KCNQ5: variants seen among roughly 807,000 people sequenced by gnomAD.
The protein encoded by KCNQ5 is potassium voltage-gated channel subfamily KQT member 5.
In KCNQ5, 30 loss-of-function variants were observed where a neutral mutation model predicts 98.2. The ratio of observed to expected loss-of-function variants is 0.31; its 90% CI spans 0.23 to 0.41. The LOEUF (loss-of-function observed/expected upper bound fraction) is 0.41. KCNQ5 is among the 10% of genes least tolerant of loss of function. The probability of loss-of-function intolerance (pLI) is 1.00; values close to 1 mark genes in which losing one functional copy is unlikely to be tolerated. For missense variants in KCNQ5, 835 were observed against 1,182.5 expected, an observed-to-expected ratio of 0.71 and a Z score of 4.31; for synonymous variants, 458 against 449.4, an observed-to-expected ratio of 1.02 and a Z score of -0.24.
chr6:72,749,095 T>G (rs993613337), intron 1 of KCNQ5, among the ~76,000 whole-genome samples: 7 of 152,072 alleles, frequency 4.6e-5, no homozygotes, highest in Non-Finnish European at 1.0e-4. Flanking sequence ...ATATTTATTT[T>G]CTTCCTCCTC....
chr6:72,942,364 A>G (rs954334229), intron 1 of KCNQ5, among the ~76,000 whole-genome samples: 39 of 152,318 alleles, frequency 2.6e-4, no homozygotes, highest in African/African-American at 9.1e-4. Flanking sequence ...GCCCCCATAC[A>G]TACCAAACAT....
intron 1 of KCNQ5, among the ~76,000 whole-genome samples, chr6:72,690,715 G>GAA (rs775810471): frequency 1.5e-4 from 16 of 109,346 alleles, no homozygotes; most frequent in African/African-American, 4.1e-4. Context: ...CTGTTACCAA[G>GAA]AAAAAAAAAA....
chr6:73,121,878 A>G (rs1267865620), intron 8 of KCNQ5, among the ~76,000 whole-genome samples: 4 of 152,186 alleles, frequency 2.6e-5, no homozygotes, highest in Admixed American at 2.6e-4. Context: ...CCTAAGCTCT[A>G]ATGGGAAATG....
chr6:72,928,703 G>A (rs1419150758), intron 1 of KCNQ5, among the ~76,000 whole-genome samples: 1 of 152,016 alleles, frequency 6.6e-6, no homozygotes, highest in Non-Finnish European at 1.5e-5. Flanking sequence ...ATAGATATAG[G>A]TATGGAGTAG....
chr6:72,661,202 T>C (rs1215009804), intron 1 of KCNQ5, among the ~76,000 whole-genome samples: 7 of 152,018 alleles, frequency 4.6e-5, no homozygotes. Flanking sequence ...TTCTTAGAAA[T>C]GTAATATTCT....
rs553641328 is a variant in KCNQ5, at chr6:72,631,321, C to T, written c.398+8734C>T. On this transcript the variant is annotated intron_variant, in intron 1 of 13. Transcript: ENST00000370398. ...AAAATACAGACAGGAGTTATAATCA[C>T]GAGGAAGGCAAATAAAGATAAAGGG... Among the ~76,000 whole-genome samples the T allele has an allele frequency of 2.6e-4, 39 of 151,896 alleles. 1 individual carries two copies. The highest frequency in any genetic ancestry group is 4.4e-4 in the Non-Finnish European group (30 of 67,976).
At chr6:73,110,926 A>G (rs1562184991) in intron 6 of KCNQ5, among the ~76,000 whole-genome samples, 1 of 152,218 alleles carries the variant, frequency 6.6e-6, no homozygotes, top group African/African-American at 2.4e-5. Context: ...TCTACATTCC[A>G]TCACTGGATG....
chr6:73,040,980 C>A (rs1273743670), intron 2 of KCNQ5, among the ~76,000 whole-genome samples: 2 of 152,100 alleles, frequency 1.3e-5, no homozygotes, highest in African/African-American at 4.8e-5. Context: ...TACAATTAAG[C>A]TATTATAACA....
At chr6:72,659,778 A>G (rs1419052835) in intron 1 of KCNQ5, among the ~76,000 whole-genome samples, 1 of 152,236 alleles carries the variant, frequency 6.6e-6, no homozygotes, top group East Asian at 1.9e-4. Context: ...CGGATTGTCA[A>G]TATATAAATT....
chr6:72,631,841 A>G (rs941171693), intron 1 of KCNQ5, among the ~76,000 whole-genome samples: 1 of 152,238 alleles, frequency 6.6e-6, no homozygotes, highest in Non-Finnish European at 1.5e-5. Context: ...ATCACAAATA[A>G]TAGTCATTTT....
At chr6:72,701,885 G>A (rs759975100) in intron 1 of KCNQ5, among the ~76,000 whole-genome samples, 4 of 152,012 alleles carry the variant, frequency 2.6e-5, no homozygotes, top group Admixed American at 6.6e-5. Context: ...GTAGAGACAG[G>A]GTTTTGCCAT....
At chr6:72,799,893 T>A (rs1484396857) in intron 1 of KCNQ5, among the ~76,000 whole-genome samples, 2 of 152,182 alleles carry the variant, frequency 1.3e-5, no homozygotes, top group Non-Finnish European at 2.9e-5. Flanking sequence ...TGTGTAGCCC[T>A]CCAGATGATA....
intron 10 of KCNQ5, among the ~76,000 whole-genome samples, chr6:73,136,411 T>C (rs1776474224): frequency 6.6e-6 from 1 of 152,250 alleles, no homozygotes. Flanking sequence ...TCTGCAAAGA[T>C]GTCTCAGAGG....
intron 1 of KCNQ5, among the ~76,000 whole-genome samples, chr6:72,716,116 T>A (rs1161486389): frequency 1.3e-5 from 2 of 152,230 alleles, no homozygotes; most frequent in Non-Finnish European, 2.9e-5. Context: ...CTCATCTTGA[T>A]TATTTATGTT....
intron 1 of KCNQ5, among the ~76,000 whole-genome samples, chr6:72,804,858 TTAACTGGAGTGAGTTAATATCTCATTA>T (rs1337754682): frequency 6.6e-6 from 1 of 152,178 alleles, no homozygotes; most frequent in Non-Finnish European, 1.5e-5. Context: ...AAAAGTGATT[TTAACTGGAGTGAGTTAATATCTCATTA>T]TAGTTTTGAT....
At chr6:72,734,862 A>T (rs1263215951) in intron 1 of KCNQ5, among the ~76,000 whole-genome samples, 1 of 152,218 alleles carries the variant, frequency 6.6e-6, no homozygotes, top group Non-Finnish European at 1.5e-5. Flanking sequence ...CAGCTATAAA[A>T]TCAAGAGACT....
chr6:73,063,051 CT>C (rs1274915367), intron 3 of KCNQ5, among the ~76,000 whole-genome samples: 1 of 152,138 alleles, frequency 6.6e-6, no homozygotes, highest in Non-Finnish European at 1.5e-5. Flanking sequence ...TTGAATTATG[CT>C]TTCTTTATAC....
chr6:72,727,371 C>T (rs1002223186), intron 1 of KCNQ5, among the ~76,000 whole-genome samples: 2 of 152,142 alleles, frequency 1.3e-5, no homozygotes, highest in Admixed American at 6.5e-5. Context: ...ATAAGATTGT[C>T]ATCTTATAAT....
intron 1 of KCNQ5, among the ~76,000 whole-genome samples, chr6:72,777,007 G>A (rs1457044080): frequency 1.3e-5 from 2 of 152,084 alleles, no homozygotes; most frequent in East Asian, 1.9e-4. Context: ...GATCACATAA[G>A]CCAGAGGTAA....
Sources: allele counts gnomAD v4.1 joint callset (sites outside exome capture counted in the v4.1 genomes callset), GRCh38; gene constraint gnomAD v4.1.1; transcripts MANE v1.5; gene names NCBI Gene and HGNC (gene_info 2026-07-23, HGNC 2026-07-21).